The following CFAP141 variants were observed in gnomAD, a reference collection of about 807,000 sequenced individuals.
CFAP141 encodes cilia- and flagella-associated protein 141.
At chr1:154,205,582 G>C in the CFAP141 span, 3 of 1,612,158 alleles carry the variant, frequency 1.9e-6, no homozygotes, top group Non-Finnish European at 2.5e-6. Context: ...AAAGGGAGGG[G>C]ATAGAAGCAG....
the CFAP141 span, chr1:154,206,212 T>C: frequency 4.5e-5 from 66 of 1,461,004 alleles, no homozygotes; most frequent in Non-Finnish European, 6.0e-5. Context: ...GATGCACTTA[T>C]AGTAAATTGA....
At chr1:154,200,702 G>A in the CFAP141 span, 1 of 1,234,174 alleles carries the variant, frequency 8.1e-7, no homozygotes, top group Non-Finnish European at 1.1e-6. Context: ...TTTTTTTTGA[G>A]ACAGAGTTTC....
the CFAP141 span, among the ~76,000 whole-genome samples, chr1:154,205,423 T>G: frequency 6.6e-6 from 1 of 152,186 alleles, no homozygotes; most frequent in African/African-American, 2.4e-5. Flanking sequence ...TAGTAGGCAC[T>G]AAGAGGCTGA....
chr1:154,205,503 A>G, the CFAP141 span: 2 of 1,142,784 alleles, frequency 1.8e-6, no homozygotes, highest in South Asian at 2.4e-5. Context: ...ATGAGCCCCT[A>G]AAGAGATGCA....
chr1:154,200,679 CTT>C, the CFAP141 span: 1 of 1,382,144 alleles, frequency 7.2e-7, no homozygotes, highest in East Asian at 2.3e-5. Flanking sequence ...TTTCTTTTTT[CTT>C]TTTCTTTTCT....
chr1:154,199,256 G>A, the CFAP141 span: 8 of 509,912 alleles, frequency 1.6e-5, no homozygotes, highest in Admixed American at 6.3e-5. Flanking sequence ...CCCAAATAGC[G>A]GCAAAGGATT....
the CFAP141 span, among the ~76,000 whole-genome samples, chr1:154,204,348 G>A: frequency 1.3e-5 from 2 of 152,072 alleles, no homozygotes; most frequent in East Asian, 3.9e-4. Context: ...TATAACCCGT[G>A]AAACCTTAAA....
At chr1:154,200,805 C>T in the CFAP141 span, among the ~76,000 whole-genome samples, 1 of 152,066 alleles carries the variant, frequency 6.6e-6, no homozygotes, top group Non-Finnish European at 1.5e-5. Context: ...GCCTTAGCTT[C>T]CCAAGTAGCT....
chr1:154,199,596 C>T, the CFAP141 span: 1 of 1,021,828 alleles, frequency 9.8e-7, no homozygotes, highest in African/African-American at 1.6e-5. Flanking sequence ...TTCTTTCTTC[C>T]TAGTTGTTTT....
the CFAP141 span, chr1:154,200,606 G>A: frequency 6.2e-7 from 1 of 1,613,672 alleles, no homozygotes; most frequent in Non-Finnish European, 8.5e-7. Flanking sequence ...AGGTACAGAG[G>A]TGGGGGTTGA....
At chr1:154,204,782 G>A in the CFAP141 span, among the ~76,000 whole-genome samples, 7 of 151,768 alleles carry the variant, frequency 4.6e-5, no homozygotes, top group African/African-American at 1.5e-4. Flanking sequence ...GGCTGGTCTC[G>A]AGCTCCTGGG....
At chr1:154,202,760 C>A in the CFAP141 span, among the ~76,000 whole-genome samples, 1 of 151,646 alleles carries the variant, frequency 6.6e-6, no homozygotes, top group African/African-American at 2.4e-5. Flanking sequence ...AAGATGGTGC[C>A]ACTGCACTCC....
chr1:154,199,241 T>G, the CFAP141 span: 4 of 500,526 alleles, frequency 8.0e-6, no homozygotes, highest in Admixed American at 1.4e-4. Flanking sequence ...TTTCATAGAT[T>G]GTTTCCCAAA....
At chr1:154,205,700 G>A in the CFAP141 span, 1 of 1,454,834 alleles carries the variant, frequency 6.9e-7, no homozygotes, top group South Asian at 1.2e-5. Flanking sequence ...TCTAATGAGA[G>A]ACATAGACCT....
At chr1:154,205,736 C>T in the CFAP141 span, 42 of 1,140,364 alleles carry the variant, frequency 3.7e-5, no homozygotes, top group Non-Finnish European at 5.5e-5. Context: ...CAGAGTTTTG[C>T]TCTTGTTGCC....
the CFAP141 span, among the ~76,000 whole-genome samples, chr1:154,204,871 G>GTT: frequency 7.2e-4 from 97 of 133,878 alleles, no homozygotes; most frequent in Admixed American, 2.0e-3. Flanking sequence ...TTGCATCAGT[G>GTT]TTTTTTTTTT....
chr1:154,200,734 G>A, the CFAP141 span: 62 of 916,730 alleles, frequency 6.8e-5, no homozygotes, highest in East Asian at 2.6e-5. Flanking sequence ...CCAGGCTGGT[G>A]TACAGTGGTG....
At chr1:154,199,574 C>T in the CFAP141 span, 1 of 1,192,434 alleles carries the variant, frequency 8.4e-7, no homozygotes, top group East Asian at 2.5e-5. Flanking sequence ...CTCTGTTTAC[C>T]ACCCTTTCTT....
the CFAP141 span, among the ~76,000 whole-genome samples, chr1:154,204,809 G>C: frequency 1.3e-5 from 2 of 151,714 alleles, no homozygotes; most frequent in Non-Finnish European, 2.9e-5. Flanking sequence ...CAATCCCCCT[G>C]CCTCGGCCTC....
Sources: gnomAD v4.1 joint callset for allele counts (sites outside exome capture counted in the v4.1 genomes callset) on GRCh38, gnomAD v4.1.1 for gene constraint, MANE v1.5 for transcripts, NCBI Gene and HGNC (gene_info 2026-07-23, HGNC 2026-07-21) for gene names.